Variants in EVI5 observed in about 807,000 individuals in gnomAD.
EVI5 encodes ecotropic viral integration site 5.
A neutral mutation model predicts 112.0 loss-of-function variants in EVI5; 73 were observed. That is an observed-to-expected ratio of 0.65 (90% CI 0.54 to 0.79). The LOEUF (loss-of-function observed/expected upper bound fraction) is 0.79, where lower values mean the gene tolerates loss of function less well. Among genes scored for constraint, EVI5 ranks in the 30% least tolerant of loss-of-function variants. The probability of loss-of-function intolerance (pLI) is 0.00; values close to 1 mark genes in which losing one functional copy is unlikely to be tolerated. For synonymous variants in EVI5, 305 were observed against 319.9 expected (o/e 0.95, Z 0.50); for missense variants, 900 against 968.8 (o/e 0.93, Z 0.94).
chr1:92,636,951 A>C (rs1334971981), intron 13 of EVI5, among the ~76,000 whole-genome samples: 1 of 152,198 alleles, frequency 6.6e-6, no homozygotes, highest in Non-Finnish European at 1.5e-5. Flanking sequence ...TTGCTATTTG[A>C]TAGTACTGTT....
At chr1:92,531,378 A>T (rs1335570087) in intron 19 of EVI5, among the ~76,000 whole-genome samples, 2 of 152,200 alleles carry the variant, frequency 1.3e-5, no homozygotes. Flanking sequence ...GGTATTATCC[A>T]GGAGAGCTTC....
chr1:92,590,047 T>C (rs893863938), intron 18 of EVI5, among the ~76,000 whole-genome samples: 3 of 152,186 alleles, frequency 2.0e-5, no homozygotes, highest in Admixed American at 6.6e-5. Flanking sequence ...GACCTGCAGC[T>C]AACGGTCCTG....
Position 92,555,571 on chromosome 1 carries a change from C to T in EVI5, c.2166+8071G>A, listed in dbSNP as rs116048938. Reference sequence around the variant, plus strand: ...AAATAGAAATAAGAATAAGCATGGCCGGGCGTGGTGGCTCATGCTTGTAAT... The same window carrying T: ...AAATAGAAATAAGAATAAGCATGGCTGGGCGTGGTGGCTCATGCTTGTAAT... On this transcript the variant is annotated intron_variant, in intron 19 of 19. Coordinates refer to ENST00000684568, the MANE Select transcript of EVI5 (RefSeq NM_001350197.2). Among the ~76,000 whole-genome samples, 1,135 of 152,100 alleles carry T rather than the reference C, an allele frequency of 7.5e-3. 16 individuals are homozygous for T. Among genetic ancestry groups the T allele is most frequent in the Middle Eastern group, 0.031 (9 of 294 alleles).
chr1:92,645,394 A>C (rs1247774126), intron 13 of EVI5, among the ~76,000 whole-genome samples: 1 of 152,114 alleles, frequency 6.6e-6, no homozygotes, highest in African/African-American at 2.4e-5. Flanking sequence ...TTAAAATATT[A>C]TGTCCAATAA....
rs370266336 is a variant in EVI5, at chr1:92,595,836, G to C, written c.2070+9471C>G. Among the ~76,000 whole-genome samples the C allele has an allele frequency of 8.5e-5, 13 of 152,256 alleles. No homozygotes were observed. In the East Asian group the frequency reaches 1.9e-3, roughly 23 times the overall value. On this transcript the variant is annotated intron_variant, in intron 18 of 19. Transcript: ENST00000684568. ...ACTGAAAAATTTTAAGTAATGAACA[G>C]GGAACTAATAGTAACTTTAGTTGTA... is the stretch of plus-strand genomic sequence containing the variant.
intron 1 of EVI5, among the ~76,000 whole-genome samples, chr1:92,745,158 C>G (rs1396963116): frequency 6.8e-6 from 1 of 146,956 alleles, no homozygotes; most frequent in Non-Finnish European, 1.5e-5. Flanking sequence ...AGGCTGGTCT[C>G]AAACTCCTGG....
chr1:92,712,254 A>G (rs1672959203), intron 2 of EVI5, among the ~76,000 whole-genome samples: 1 of 152,112 alleles, frequency 6.6e-6, no homozygotes, highest in African/African-American at 2.4e-5. Flanking sequence ...CAGAGAAGAC[A>G]CAAGGAATTA....
At chr1:92,518,612 C>T (rs775202704) in intron 19 of EVI5, among the ~76,000 whole-genome samples, 14 of 149,806 alleles carry the variant, frequency 9.3e-5, no homozygotes, top group Admixed American at 1.3e-4. Context: ...ATAGTATCTC[C>T]GAGAAGCCGG....
chr1:92,521,546 C>T lies in EVI5; in HGVS notation c.2167-7576G>A, dbSNP rs181904794. 3.9e-3 allele frequency among the ~76,000 whole-genome samples: 587 copies of T among 152,096 alleles called. 5 individuals carry two copies. The highest frequency in any genetic ancestry group is 4.7e-3 in the Non-Finnish European group (322 of 67,986). On this transcript the variant is annotated intron_variant, in intron 19 of 19. Coordinates refer to ENST00000684568, the MANE Select transcript of EVI5 (RefSeq NM_001350197.2). ...TCTCTACTAAAAATACAAAAATTAG[C>T]CAGGTGTGGTGGTGTGTGCCTGTAA...
intron 19 of EVI5, among the ~76,000 whole-genome samples, chr1:92,551,006 G>A (rs1164741877): frequency 7.2e-6 from 1 of 138,650 alleles, no homozygotes; most frequent in East Asian, 2.1e-4. Flanking sequence ...CAGATAAATT[G>A]CACTAATTTC....
At chr1:92,591,247 A>G (rs1209929658) in intron 18 of EVI5, among the ~76,000 whole-genome samples, 2 of 152,364 alleles carry the variant, frequency 1.3e-5, no homozygotes, top group East Asian at 3.9e-4. Flanking sequence ...TGTCAGGATC[A>G]AATTCACACA....
chr1:92,704,658 G>T lies in EVI5; in HGVS notation c.236C>A (p.Ala79Asp), dbSNP rs1387276816. Reference sequence around the variant, plus strand: ...TTCAAGGTGACTGAGGTTGCTAGAGGCTGATGAACTCGACACAAGAGAAGA... The same window carrying T: ...TTCAAGGTGACTGAGGTTGCTAGAGTCTGATGAACTCGACACAAGAGAAGA... ...SGSSLVSSSS[A>D]SSNLSHLEED... Residue 79 changes from alanine (A) to aspartate (D), a missense_variant, in exon 3 of 20, where the codon GCC becomes GAC. By Grantham distance (126) the Ala-to-Asp change is moderately radical (BLOSUM62 -2). Transcript: ENST00000684568. 6 of 1,603,522 alleles carry T rather than the reference G, an allele frequency of 3.7e-6. No individual in the cohort carries two copies. Among genetic ancestry groups the T allele is most frequent in the Non-Finnish European group, 5.1e-6 (6 of 1,173,044 alleles).
chr1:92,666,554 G>A (rs907648699), intron 10 of EVI5, among the ~76,000 whole-genome samples: 6 of 142,708 alleles, frequency 4.2e-5, no homozygotes, highest in East Asian at 2.1e-4. Context: ...ACTGTACTCC[G>A]GCCTGGGAGA....
chr1:92,790,644 A>G (rs2103160489), intron 1 of EVI5, among the ~76,000 whole-genome samples: 1 of 151,954 alleles, frequency 6.6e-6, no homozygotes, highest in East Asian at 1.9e-4. Context: ...GCCTCCATGC[A>G]CTGGAGTTAT....
intron 1 of EVI5, among the ~76,000 whole-genome samples, chr1:92,743,279 G>C (rs11164802): frequency 0.024 from 3,629 of 152,270 alleles, 168 homozygotes; most frequent in African/African-American, 0.083. Flanking sequence ...CTTGAACCCA[G>C]GAGGCGGAGG....
At chr1:92,787,094 T>G (rs1175179100), upstream of EVI5, among the ~76,000 whole-genome samples, 1 of 152,232 alleles carries the variant, frequency 6.6e-6, no homozygotes, top group African/African-American at 2.4e-5. Context: ...TTTTTACTAT[T>G]AGCTCCTTAA....
chr1:92,737,109 A>T (rs576993073), intron 1 of EVI5, among the ~76,000 whole-genome samples: 1 of 152,332 alleles, frequency 6.6e-6, no homozygotes, highest in South Asian at 2.1e-4. Flanking sequence ...TAACAATTCA[A>T]CAAAAACTGG....
At chr1:92,778,656 A>G (rs533644791) in intron 1 of EVI5, among the ~76,000 whole-genome samples, 2 of 152,268 alleles carry the variant, frequency 1.3e-5, no homozygotes, top group South Asian at 2.1e-4. Flanking sequence ...CAAACAATCC[A>G]CCCAGATCAA....
intron 9 of EVI5, among the ~76,000 whole-genome samples, chr1:92,680,629 C>A (rs1424644904): frequency 2.0e-5 from 3 of 152,162 alleles, no homozygotes; most frequent in Admixed American, 6.5e-5. Context: ...CCACAAATTA[C>A]TTATTACAAA....
Sources: allele counts gnomAD v4.1 joint callset (sites outside exome capture counted in the v4.1 genomes callset), GRCh38; gene constraint gnomAD v4.1.1; transcripts MANE v1.5; gene names NCBI Gene and HGNC (gene_info 2026-07-23, HGNC 2026-07-21).